Variants in ZNF367 observed in about 807,000 individuals in gnomAD.
ZNF367 encodes C2H2 zinc finger protein ZFF29.
ZNF367 carries 11 observed loss-of-function variants against 31.8 expected under a neutral mutation model. The ratio of observed to expected loss-of-function variants is 0.35; its 90% CI spans 0.22 to 0.57. The LOEUF (loss-of-function observed/expected upper bound fraction) is 0.57, where lower values mean the gene tolerates loss of function less well. Ranked by LOEUF, ZNF367 falls within the 20% of genes least tolerant of loss-of-function variation. The probability of loss-of-function intolerance (pLI) is 0.85; values close to 1 mark genes in which losing one functional copy is unlikely to be tolerated. For synonymous variants in ZNF367, 199 were observed against 202.4 expected, an observed-to-expected ratio of 0.98 and a Z score of 0.14; for missense variants, 353 against 484.1, an observed-to-expected ratio of 0.73 and a Z score of 2.54.
At chr9:96,388,896 GAC>G (rs922641275) in intron 4 of ZNF367, among the ~76,000 whole-genome samples, 1 of 152,340 alleles carries the variant, frequency 6.6e-6, no homozygotes, top group Middle Eastern at 3.4e-3. Flanking sequence ...TAACATCTGT[GAC>G]ACAGAGTTTA....
intron 1 of ZNF367, among the ~76,000 whole-genome samples, chr9:96,409,000 G>C (rs1831707362): frequency 6.6e-6 from 1 of 152,170 alleles, no homozygotes; most frequent in African/African-American, 2.4e-5. Context: ...GGGTCATAAA[G>C]ACAGATCCCT....
chr9:96,405,842 G>A (rs1187942745), intron 1 of ZNF367, among the ~76,000 whole-genome samples: 9 of 152,152 alleles, frequency 5.9e-5, no homozygotes, highest in Admixed American at 4.6e-4. Flanking sequence ...CTTTAGAGGT[G>A]ATAAAAATGT....
chr9:96,407,596 A>C (rs1831687243), intron 1 of ZNF367: 1 of 1,459,408 alleles, frequency 6.9e-7, no homozygotes. Context: ...AGTACTTTCC[A>C]ATATGATTAA....
At chr9:96,409,176 G>C (rs562896014) in intron 1 of ZNF367, among the ~76,000 whole-genome samples, 2 of 152,278 alleles carry the variant, frequency 1.3e-5, no homozygotes, top group South Asian at 4.1e-4. Flanking sequence ...TCCCTCACCA[G>C]AAGCAGATTC....
rs71368256 is a variant in ZNF367 at position 96,407,001 on chromosome 9, C to CAA, written c.421-8689_421-8688dup. Among the ~76,000 whole-genome samples the CAA allele has an allele frequency of 2.3e-3, 81 of 35,902 alleles. 3 individuals are homozygous for CAA. Among genetic ancestry groups the CAA allele is most frequent in the East Asian group, 0.011 (9 of 796 alleles). The allele number at this position is 35,902 out of a possible 152,430, so 23.6% of individuals were successfully genotyped here. On this transcript the variant is annotated intron_variant, in intron 1 of 4. Transcript: ENST00000375256. ...TGGGTGACAGAGCAAGACTCCATCT[C>CAA]AAAAAAAAAAAAAAAAAAAAAAAAA...
Position 96,388,468 on chromosome 9 carries a change from A to G in ZNF367, c.831-9T>C. 1.2e-6 allele frequency: 2 copies of G among 1,601,768 alleles called. No individual in the cohort carries two copies. Among genetic ancestry groups the G allele is most frequent in the South Asian group, 1.1e-5 (1 of 88,646 alleles). On this transcript the variant is annotated splice_polypyrimidine_tract_variant and intron_variant, in intron 4 of 4. Transcript: ENST00000375256. ...CTCTCATTTCCCAATACCTATGTGAAATGCAGCAACATTAGTTACATGGCA... is the reference window on the plus strand; with the variant it reads ...CTCTCATTTCCCAATACCTATGTGAGATGCAGCAACATTAGTTACATGGCA...
rs374810647 is a variant in ZNF367, at chr9:96,398,087, CAAAAAAAAAAAAAAAAAA to C, written c.571+59_571+76del. 3.9e-3 allele frequency: 1,473 copies of C among 379,708 alleles called. 12 individuals carry two copies. Among genetic ancestry groups the C allele is most frequent in the African/African-American group, 0.031 (657 of 20,978 alleles). The allele number at this position is 379,708 out of a possible 1,614,324, so 23.5% of individuals were successfully genotyped here. On this transcript the variant is annotated intron_variant, in intron 2 of 4. Coordinates refer to ENST00000375256, the MANE Select transcript of ZNF367 (RefSeq NM_153695.4). ...CCTGGGCAACAGAGCGAGACTATCT[CAAAAAAAAAAAAAAAAAA>C]AAAAAAAAAAAAAAAAAGTGTTACT... is the stretch of plus-strand genomic sequence containing the variant.
At chr9:96,388,705 AC>A (rs1831433877) in intron 4 of ZNF367, among the ~76,000 whole-genome samples, 1 of 152,220 alleles carries the variant, frequency 6.6e-6, no homozygotes, top group African/African-American at 2.4e-5. Flanking sequence ...CTCTCAAATC[AC>A]GTTTTTGCCA....
At chr9:96,401,957 C>G (rs1831610041) in intron 1 of ZNF367, among the ~76,000 whole-genome samples, 1 of 151,694 alleles carries the variant, frequency 6.6e-6, no homozygotes, top group Non-Finnish European at 1.5e-5. Flanking sequence ...TATGATCACA[C>G]CACTGCACTC....
rs1235268258 is a variant in ZNF367 at position 96,408,208 on chromosome 9, T to TAATA, written c.420+9401_420+9404dup. Among the ~76,000 whole-genome samples the TAATA allele has an allele frequency of 5.9e-5, 9 of 151,996 alleles. No homozygotes were observed. In the East Asian group the frequency reaches 1.4e-3, roughly 23 times the overall value. On this transcript the variant is annotated intron_variant, in intron 1 of 4. Coordinates refer to ENST00000375256, the MANE Select transcript of ZNF367 (RefSeq NM_153695.4). ...CACATGTACCCTAGAACTTAAAGTATAATAAATAAATAAATAATAAATATT... is the reference window on the plus strand; with the variant it reads ...CACATGTACCCTAGAACTTAAAGTATAATAAATAAATAAATAAATAATAAATATT...
intron 1 of ZNF367, among the ~76,000 whole-genome samples, chr9:96,406,662 G>A (rs1831674322): frequency 6.6e-6 from 1 of 152,130 alleles, no homozygotes; most frequent in Admixed American, 6.6e-5. Flanking sequence ...TATGTTTTAT[G>A]TTGGTAAATT....
intron 1 of ZNF367, among the ~76,000 whole-genome samples, chr9:96,410,666 C>G (rs1831735854): frequency 6.8e-6 from 1 of 147,842 alleles, no homozygotes; most frequent in South Asian, 2.2e-4. Context: ...ACAAGGTCAA[C>G]AGATCGAGAC....
At chr9:96,410,053 A>C (rs1831722281) in intron 1 of ZNF367, among the ~76,000 whole-genome samples, 1 of 151,932 alleles carries the variant, frequency 6.6e-6, no homozygotes, top group Non-Finnish European at 1.5e-5. Flanking sequence ...AGGTGGGTGG[A>C]TCACGAGGTC....
intron 1 of ZNF367, among the ~76,000 whole-genome samples, chr9:96,406,874 C>T (rs975364064): frequency 2.0e-5 from 3 of 151,518 alleles, no homozygotes; most frequent in African/African-American, 7.3e-5. Flanking sequence ...CGGTGGGGGG[C>T]GCCTGTAGTC....
In ZNF367 at chr9:96,390,182, G is replaced by A. The variant is rs144322065; in HGVS notation, c.831-1723C>T. ...CAGCCAAAGTGTTGGGATTACAGGC[G>A]TGAGCCACCGCACCCAGCCCCAACA... On this transcript the variant is annotated intron_variant, in intron 4 of 4. Transcript: ENST00000375256. Among the ~76,000 whole-genome samples, 503 of 151,646 alleles carry A rather than the reference G, an allele frequency of 3.3e-3. 3 individuals carry two copies. Among genetic ancestry groups the A allele is most frequent in the African/African-American group, 0.011 (447 of 41,372 alleles).
intron 1 of ZNF367, among the ~76,000 whole-genome samples, chr9:96,404,451 G>A (rs1039913968): frequency 3.9e-5 from 6 of 152,028 alleles, no homozygotes; most frequent in African/African-American, 1.2e-4. Context: ...AAATTAGCCG[G>A]GCGCGGTGGC....
rs532018088 is a variant in ZNF367, at chr9:96,418,300, G to A, written c.-268C>T. On this transcript the variant is annotated 5_prime_UTR_variant, in exon 1 of 5. Coordinates refer to ENST00000375256, the MANE Select transcript of ZNF367 (RefSeq NM_153695.4). ...AGGGGTGGGAAGCAGCGGGCGGCCC[G>A]GCCCTTGCGGTGACAGGAAAGCAGG... 1.2e-5 allele frequency: 5 copies of A among 417,938 alleles called. No individual in the cohort carries two copies. The highest frequency in any genetic ancestry group is 2.6e-4 in the South Asian group (2 of 7,694). The allele number at this position is 417,938 out of a possible 1,614,324, so 25.9% of individuals were successfully genotyped here.
intron 1 of ZNF367, chr9:96,407,487 G>C (rs2131079755): frequency 7.7e-7 from 1 of 1,298,218 alleles, no homozygotes. Context: ...TATCAAAGAT[G>C]CATGAAAAGA....
intron 1 of ZNF367, among the ~76,000 whole-genome samples, chr9:96,408,969 G>A (rs555776890): frequency 1.3e-4 from 20 of 152,294 alleles, no homozygotes; most frequent in Admixed American, 2.0e-4. Flanking sequence ...TATTGGAGGC[G>A]GAGCCTAGTG....
Sources: gnomAD v4.1 joint callset for allele counts (sites outside exome capture counted in the v4.1 genomes callset) on GRCh38, gnomAD v4.1.1 for gene constraint, MANE v1.5 for transcripts, NCBI Gene and HGNC (gene_info 2026-07-23, HGNC 2026-07-21) for gene names.